The following OR4K14 variants were observed in gnomAD, a reference collection of about 807,000 sequenced individuals.
OR4K14 encodes olfactory receptor family 4 subfamily K member 14.
For missense variants in OR4K14, 406 were observed against 373.6 expected (o/e 1.09, Z -0.72); for synonymous variants, 153 against 141.5 (o/e 1.08, Z -0.58).
rs756035786 is a variant in OR4K14, at chr14:20,015,101, G to T, written c.93C>A (p.Phe31Leu). 1 of 1,613,748 alleles carries T rather than the reference G, an allele frequency of 6.2e-7. No individual in the cohort carries two copies. Among genetic ancestry groups the T allele is most frequent in the East Asian group, 2.2e-5 (1 of 44,876 alleles). ...RHLQNFFFIFFFGVYVAIMLG... is the reference protein window; with the variant it reads ...RHLQNFFFIFLFGVYVAIMLG... ...GCATAATGGCCACATAGACCCCAAA[G>T]AAAAATATAAAGAAAAAATTTTGAA... The change falls in exon 2 of 2, where the codon TTC becomes TTA. Residue 31 changes from phenylalanine (F) to leucine (L), a missense_variant. Coordinates refer to ENST00000641793, the MANE Select transcript of OR4K14 (RefSeq NM_001004712.2).
intron 1 of OR4K14, among the ~76,000 whole-genome samples, chr14:20,017,011 A>G (rs145425423): frequency 2.4e-4 from 36 of 152,038 alleles, no homozygotes; most frequent in African/African-American, 8.4e-4. Flanking sequence ...TTCCAGTTAA[A>G]TTTCAACTCA....
chr14:20,014,702 A>C lies in OR4K14; in HGVS notation c.492T>G (p.Thr164=). ...TGGGGCCACAGTAAGGCAAATTTAC[A>C]GTGAAAGCCACTTGACTGATGGAGT... The part of the protein sequence containing the change: ...FVHSISQVAF[T]VNLPYCGPNE... Residue 164 remains threonine, a synonymous_variant, in exon 2 of 2, where the codon ACT becomes ACG. Coordinates refer to ENST00000641793, the MANE Select transcript of OR4K14 (RefSeq NM_001004712.2). 1 of 1,614,036 alleles carries C rather than the reference A, an allele frequency of 6.2e-7. No homozygotes were observed. Among genetic ancestry groups the C allele is most frequent in the Non-Finnish European group, 8.5e-7 (1 of 1,179,930 alleles).
At position 20,014,931 on chromosome 14, in the gene OR4K14, C is replaced by CT. The variant is rs749570784; in HGVS notation, c.262dup (p.Ser88LysfsTer2). The CT allele has an allele frequency of 6.2e-7, 1 of 1,614,098 alleles. No homozygotes were observed. Among genetic ancestry groups the CT allele is most frequent in the South Asian group, 1.1e-5 (1 of 91,072 alleles). Reference sequence around the variant, plus strand: ...TCCAAAGGAGATGAGTTTTTGATCACTAAGGAAATCCCTGATCATCTTGGG... The same window carrying CT: ...TCCAAAGGAGATGAGTTTTTGATCACTTAAGGAAATCCCTGATCATCTTGGG... On this transcript the variant is annotated frameshift_variant, in exon 2 of 2. Coordinates refer to ENST00000641793, the MANE Select transcript of OR4K14 (RefSeq NM_001004712.2). LOFTEE classifies it low-confidence loss of function (END_TRUNC).
In OR4K14 at chr14:20,014,859, T is replaced by C. The variant is rs1169361656; in HGVS notation, c.335A>G (p.Glu112Gly). The change falls in exon 2 of 2, where the codon GAG becomes GGG. Residue 112 changes from glutamate (E) to glycine (G), a missense_variant. Physicochemically the swap from Glu to Gly is moderately conservative, Grantham distance 98 (BLOSUM62 -2). Coordinates refer to ENST00000641793, the MANE Select transcript of OR4K14 (RefSeq NM_001004712.2). Reference sequence around the variant, plus strand: ...GGCCATGGAAACCAGGAGCACCATCTCAGCCCCACCAGTAAAGTGCAAGAA... The same window carrying C: ...GGCCATGGAAACCAGGAGCACCATCCCAGCCCCACCAGTAAAGTGCAAGAA... Reference protein sequence around the residue: ...IFFLHFTGGAEMVLLVSMAYD... With the variant: ...IFFLHFTGGAGMVLLVSMAYD... 6.2e-7 allele frequency: 1 copy of C among 1,614,084 alleles called. No individual in the cohort carries two copies. Among genetic ancestry groups the C allele is most frequent in the Non-Finnish European group, 8.5e-7 (1 of 1,179,986 alleles).
chr14:20,018,227 CT>C (rs1391382043), intron 1 of OR4K14, among the ~76,000 whole-genome samples: 4 of 151,958 alleles, frequency 2.6e-5, no homozygotes, highest in Non-Finnish European at 1.5e-5. Context: ...ACCATATCTT[CT>C]TTAGTCCACC....
At chr14:20,017,570 T>G (rs1372099246) in intron 1 of OR4K14, among the ~76,000 whole-genome samples, 1 of 151,956 alleles carries the variant, frequency 6.6e-6, no homozygotes, top group South Asian at 2.1e-4. Context: ...TCCGAGATGA[T>G]TTAGAATGAC....
chr14:20,018,263 CTGT>C (rs1369195819), intron 1 of OR4K14, among the ~76,000 whole-genome samples: 1 of 152,120 alleles, frequency 6.6e-6, no homozygotes, highest in East Asian at 1.9e-4. Flanking sequence ...CTCAACCAGA[CTGT>C]TGTCAAGATA....
chr14:20,016,639 C>A (rs1877106042), intron 1 of OR4K14, among the ~76,000 whole-genome samples: 1 of 152,050 alleles, frequency 6.6e-6, no homozygotes, highest in African/African-American at 2.4e-5. Context: ...CTCTTTCTTG[C>A]CCTTCATCAA....
intron 1 of OR4K14, among the ~76,000 whole-genome samples, chr14:20,016,352 T>C (rs1194869328): frequency 6.6e-6 from 1 of 151,640 alleles, no homozygotes; most frequent in Admixed American, 6.6e-5. Context: ...AAAACGCATG[T>C]TTTGGATATA....
intron 1 of OR4K14, among the ~76,000 whole-genome samples, chr14:20,017,238 C>T (rs1054728945): frequency 2.0e-5 from 3 of 151,972 alleles, no homozygotes; most frequent in Non-Finnish European, 4.4e-5. Context: ...TCAGTCCCTT[C>T]CAGGACCTCT....
rs1307056143 is a variant in OR4K14, at chr14:20,014,430, C to G, written c.764G>C (p.Cys255Ser). ...GAAAGGCCGCACATAAACAAAAATG[C>G]AAGGGCCAAAGAACAGCGTCACTAC... ...IMVVTLFFGP[C>S]IFVYVRPFSR... Residue 255 changes from cysteine (C) to serine (S), a missense_variant, in exon 2 of 2, where the codon TGC (cysteine) becomes TCC (serine). Cys to Ser is a moderately radical substitution (Grantham distance 112, BLOSUM62 -1). Coordinates refer to ENST00000641793, the MANE Select transcript of OR4K14 (RefSeq NM_001004712.2). 2 of 1,613,960 alleles carry G rather than the reference C, an allele frequency of 1.2e-6. No individual in the cohort carries two copies. The highest frequency in any genetic ancestry group is 1.7e-6 in the Non-Finnish European group (2 of 1,179,982).
Position 20,015,034 on chromosome 14 carries a change from A to T in OR4K14, c.160T>A (p.Cys54Ser). Residue 54 changes from cysteine to serine, a missense_variant, in exon 2 of 2, where the codon TGC becomes AGC. Coordinates refer to ENST00000641793, the MANE Select transcript of OR4K14 (RefSeq NM_001004712.2). ...AAGTACATAGGGGAGGAGTGCAGGC[A>T]GGGATCAGAAATTACAGTGACCAAA... ...LILVTVISDP[C>S]LHSSPMYFLL... 1 of 1,614,130 alleles carries T rather than the reference A, an allele frequency of 6.2e-7. No homozygotes were observed. The highest frequency in any genetic ancestry group is 8.5e-7 in the Non-Finnish European group (1 of 1,180,000).
chr14:20,015,859 A>G (rs1287570138), intron 1 of OR4K14, among the ~76,000 whole-genome samples: 1 of 151,904 alleles, frequency 6.6e-6, no homozygotes, highest in African/African-American at 2.4e-5. Context: ...GGGCAGTTAG[A>G]CATTCTGGAA....
rs187339463 is a variant in OR4K14 at position 20,016,404 on chromosome 14, C to T, written c.-29-1182G>A. ...GGTGATGTATAAATACAGATGAGCT[C>T]CCAAATCATGTACCCAACTTATGTA... On this transcript the variant is annotated intron_variant, in intron 1 of 1. Coordinates refer to ENST00000641793, the MANE Select transcript of OR4K14 (RefSeq NM_001004712.2). Among the ~76,000 whole-genome samples the T allele has an allele frequency of 7.2e-5, 11 of 151,810 alleles. No homozygotes were observed. The East Asian group carries it at 2.2e-3, about 30-fold the overall frequency.
intron 1 of OR4K14, among the ~76,000 whole-genome samples, chr14:20,018,265 G>A (rs12882698): frequency 0.4 from 60,220 of 151,802 alleles, 12,664 homozygotes; most frequent in East Asian, 0.76. Flanking sequence ...CAACCAGACT[G>A]TTGTCAAGAT....
In OR4K14 at chr14:20,014,297, C is replaced by T; in HGVS notation, c.897G>A (p.Met299Ile). The T allele has an allele frequency of 6.2e-7, 1 of 1,611,206 alleles. No homozygotes were observed. Among genetic ancestry groups the T allele is most frequent in the African/African-American group, 1.3e-5 (1 of 74,826 alleles). The part of the protein sequence containing the change: ...TLRNEEMKAA[M>I]KKLQNRRVTF... ...TCACCCGTCGGTTTTGCAGTTTCTT[C>T]ATAGCTGCTTTCATCTCCTCATTTC... The change falls in exon 2 of 2, where the codon ATG becomes ATA. Residue 299 changes from methionine (M) to isoleucine (I), a missense_variant. Transcript: ENST00000641793.
chr14:20,015,757 T>C (rs1877084615), intron 1 of OR4K14, among the ~76,000 whole-genome samples: 1 of 152,174 alleles, frequency 6.6e-6, no homozygotes, highest in African/African-American at 2.4e-5. Flanking sequence ...CTATGTATAA[T>C]TTTTAACTTG....
rs77403071 is a variant in OR4K14 at position 20,014,786 on chromosome 14, C to T, written c.408G>A (p.Leu136=). The T allele has an allele frequency of 1.5e-5, 25 of 1,614,054 alleles. No individual in the cohort carries two copies. In the East Asian group the frequency reaches 5.4e-4, roughly 35 times the overall value. The change falls in exon 2 of 2, where the codon TTG becomes TTA. Residue 136 remains leucine (L), a synonymous_variant. Transcript: ENST00000641793. ...GCCTGATGCAAGTCTGCCAACTCAT[C>T]AAAGTCATGTAATGCAAGGGTTTGC... The part of the protein sequence containing the change: ...AICKPLHYMT[L]MSWQTCIRLV...
In OR4K14 at chr14:20,014,364, G is replaced by T. The variant is rs2138659844; in HGVS notation, c.830C>A (p.Thr277Asn). The T allele has an allele frequency of 6.2e-7, 1 of 1,613,652 alleles. No individual in the cohort carries two copies. Among genetic ancestry groups the T allele is most frequent in the Middle Eastern group, 1.7e-4 (1 of 6,060 alleles). Reference sequence around the variant, plus strand: ...GGGGTTCAGGAGTGGAGTAAAAATGGTATAAAACACAGACAGCAGCTTGTC... The same window carrying T: ...GGGGTTCAGGAGTGGAGTAAAAATGTTATAAAACACAGACAGCAGCTTGTC... Reference protein sequence around the residue: ...SVDKLLSVFYTIFTPLLNPII... With the variant: ...SVDKLLSVFYNIFTPLLNPII... The change falls in exon 2 of 2, where the codon ACC (threonine) becomes AAC (asparagine). Residue 277 changes from threonine (T) to asparagine (N), a missense_variant. Thr to Asn is a moderately conservative substitution (Grantham distance 65, BLOSUM62 0). Transcript: ENST00000641793.
Sources: gnomAD v4.1 joint callset for allele counts (sites outside exome capture counted in the v4.1 genomes callset) on GRCh38, gnomAD v4.1.1 for gene constraint, MANE v1.5 for transcripts, NCBI Gene and HGNC (gene_info 2026-07-23, HGNC 2026-07-21) for gene names.